DGKI: variants seen among roughly 807,000 people sequenced by gnomAD.
The protein encoded by DGKI is diacylglycerol kinase iota.
In DGKI, 55 loss-of-function variants were observed where a neutral mutation model predicts 147.5. The observed-to-expected ratio is 0.37, with a 90% CI of 0.30 to 0.47. The LOEUF (loss-of-function observed/expected upper bound fraction) is 0.47, where lower values mean the gene tolerates loss of function less well. Among genes scored for constraint, DGKI ranks in the 20% least tolerant of loss-of-function variants. DGKI has a pLI of 1.00. For synonymous variants in DGKI, 469 were observed against 477.1 expected, an observed-to-expected ratio of 0.98 and a Z score of 0.22; for missense variants, 1,007 against 1,323.8, an observed-to-expected ratio of 0.76 and a Z score of 3.71.
At chr7:137,592,565 G>A (rs533440540) in intron 12 of DGKI, among the ~76,000 whole-genome samples, 1 of 152,322 alleles carries the variant, frequency 6.6e-6, no homozygotes, top group African/African-American at 2.4e-5. Flanking sequence ...TGGCTGAAGG[G>A]TGGAGATGAC....
chr7:137,828,117 C>T lies in DGKI; in HGVS notation c.401+18345G>A, dbSNP rs922357265. The stretch of plus-strand genomic sequence containing the variant: ...GTCAATGTCTTGCTTCTCTCTATCA[C>T]CAAGCCATAAATTCTTGATAACAGA... On this transcript the variant is annotated intron_variant, in intron 1 of 32. Transcript: ENST00000614521. 2.0e-5 allele frequency among the ~76,000 whole-genome samples: 3 copies of T among 152,214 alleles called. No individual in the cohort carries two copies. In the East Asian group the frequency reaches 5.8e-4, roughly 29 times the overall value.
chr7:137,554,278 G>A (rs1169174511), intron 19 of DGKI, among the ~76,000 whole-genome samples: 1 of 152,268 alleles, frequency 6.6e-6, no homozygotes, highest in East Asian at 1.9e-4. Context: ...TACTTTTCAT[G>A]TCTCAGATTG....
intron 26 of DGKI, 33 bp from the exon 27 acceptor site, chr7:137,463,644 A>C: frequency 1.2e-6 from 2 of 1,601,306 alleles, no homozygotes; most frequent in Non-Finnish European, 1.7e-6. Context: ...ACAGTTAAAC[A>C]TTCAAAGTCA....
intron 12 of DGKI, among the ~76,000 whole-genome samples, chr7:137,588,326 C>T (rs1233023019): frequency 2.0e-5 from 3 of 151,978 alleles, no homozygotes; most frequent in Non-Finnish European, 4.4e-5. Context: ...CTCAAAAATA[C>T]TAGATCATTT....
chr7:137,727,471 G>A lies in DGKI; in HGVS notation c.402-37469C>T, dbSNP rs185211052. Among the ~76,000 whole-genome samples the A allele has an allele frequency of 1.8e-3, 273 of 152,134 alleles. 1 individual carries two copies. The highest frequency in any genetic ancestry group is 6.0e-3 in the African/African-American group (249 of 41,514). On this transcript the variant is annotated intron_variant, in intron 1 of 32. Coordinates refer to ENST00000614521, the MANE Select transcript of DGKI (RefSeq NM_001321708.2). ...CTTGCCCATAATTTTATCACCCATC[G>A]TCAAGAACAGAGAACATTCTGATCA... is the stretch of plus-strand genomic sequence containing the variant.
chr7:137,529,937 T>C (rs1328856892), intron 20 of DGKI, among the ~76,000 whole-genome samples: 1 of 152,120 alleles, frequency 6.6e-6, no homozygotes, highest in East Asian at 1.9e-4. Context: ...TAACTAGAGA[T>C]GGGGTTTCAC....
At chr7:137,803,389 G>A (rs1797271905) in intron 1 of DGKI, among the ~76,000 whole-genome samples, 1 of 152,138 alleles carries the variant, frequency 6.6e-6, no homozygotes. Context: ...AATGTGACTG[G>A]AACTGTATTT....
At chr7:137,633,285 A>G (rs1158729655) in intron 6 of DGKI, among the ~76,000 whole-genome samples, 1 of 151,862 alleles carries the variant, frequency 6.6e-6, no homozygotes, top group Non-Finnish European at 1.5e-5. Flanking sequence ...GGTTCCACAA[A>G]TCCATCAGTA....
intron 28 of DGKI, among the ~76,000 whole-genome samples, chr7:137,421,932 C>T (rs1484848622): frequency 6.6e-6 from 1 of 152,100 alleles, no homozygotes; most frequent in African/African-American, 2.4e-5. Flanking sequence ...CTTACTGGCC[C>T]CTGCTACACC....
chr7:137,784,561 G>A (rs926568835), intron 1 of DGKI, among the ~76,000 whole-genome samples: 1 of 152,020 alleles, frequency 6.6e-6, no homozygotes, highest in Admixed American at 6.6e-5. Context: ...CACTAGACAG[G>A]TCATCAAGAT....
intron 19 of DGKI, among the ~76,000 whole-genome samples, chr7:137,561,348 T>G (rs1392645006): frequency 2.0e-5 from 3 of 152,176 alleles, no homozygotes; most frequent in African/African-American, 7.2e-5. Flanking sequence ...TCTCGTTAAT[T>G]TGTGGAAGCT....
intron 28 of DGKI, among the ~76,000 whole-genome samples, chr7:137,434,456 C>T (rs1483308336): frequency 6.6e-6 from 1 of 152,052 alleles, no homozygotes; most frequent in Non-Finnish European, 1.5e-5. Flanking sequence ...TGGTGCACGC[C>T]TGTAATCCCA....
At chr7:137,579,070 A>G (rs990961897) in intron 15 of DGKI, among the ~76,000 whole-genome samples, 1 of 152,198 alleles carries the variant, frequency 6.6e-6, no homozygotes, top group Non-Finnish European at 1.5e-5. Context: ...ATTTTTATGT[A>G]GATGTATTGG....
chr7:137,574,538 CT>C (rs1249451128), intron 17 of DGKI, among the ~76,000 whole-genome samples: 4 of 152,144 alleles, frequency 2.6e-5, no homozygotes, highest in Non-Finnish European at 5.9e-5. Flanking sequence ...TAACTTTCTA[CT>C]TTTTCCTTCT....
At chr7:137,721,994 G>C (rs57957290) in intron 1 of DGKI, 18 of 1,558,726 alleles carry the variant, frequency 1.2e-5, no homozygotes, top group Admixed American at 5.5e-5. Flanking sequence ...AAGATGGCGG[G>C]TGAAAAAGTT....
At chr7:137,622,702 G>C (rs182402496) in intron 7 of DGKI, among the ~76,000 whole-genome samples, 1 of 152,146 alleles carries the variant, frequency 6.6e-6, no homozygotes, top group Non-Finnish European at 1.5e-5. Context: ...CTTGGCCTAC[G>C]AGCTGTAGTC....
intron 2 of DGKI, among the ~76,000 whole-genome samples, chr7:137,683,987 GA>G (rs1823330658): frequency 6.6e-6 from 1 of 152,224 alleles, no homozygotes; most frequent in Admixed American, 6.5e-5. Context: ...CACAGATAAA[GA>G]GTATGCTCAC....
intron 3 of DGKI, among the ~76,000 whole-genome samples, chr7:137,671,090 G>A (rs1441548734): frequency 2.6e-5 from 4 of 152,216 alleles, no homozygotes; most frequent in African/African-American, 9.6e-5. Flanking sequence ...CAGACAAGGT[G>A]TAACTGGGCT....
In DGKI at chr7:137,560,794, A is replaced by G. The variant is rs550805350; in HGVS notation, c.1948-8226T>C. On this transcript the variant is annotated intron_variant, in intron 19 of 32. Transcript: ENST00000614521. Reference sequence around the variant, plus strand: ...ATGTGGGCAGCCTCCAGTAGCTGAAAAAGACAAGGAAACTAATTCTTCCAT... The same window carrying G: ...ATGTGGGCAGCCTCCAGTAGCTGAAGAAGACAAGGAAACTAATTCTTCCAT... Among the ~76,000 whole-genome samples the G allele has an allele frequency of 8.5e-5, 13 of 152,318 alleles. No homozygotes were observed. The South Asian group carries it at 2.7e-3, about 32-fold the overall frequency.
Sources: gnomAD v4.1 joint callset for allele counts (sites outside exome capture counted in the v4.1 genomes callset) on GRCh38, gnomAD v4.1.1 for gene constraint, MANE v1.5 for transcripts, NCBI Gene and HGNC (gene_info 2026-07-23, HGNC 2026-07-21) for gene names.